DPEP1: variants seen among roughly 807,000 people sequenced by gnomAD.
DPEP1 encodes beta-lactamase.
In DPEP1, 50 loss-of-function variants were observed where a neutral mutation model predicts 42.3. That is an observed-to-expected ratio of 1.18 (90% confidence interval 0.94 to 1.50). The LOEUF is 1.50. Ranked by LOEUF, DPEP1 falls within the 40% of genes most tolerant of loss-of-function variation. The pLI, the probability that DPEP1 is intolerant of heterozygous loss-of-function variation, is 0.00. For missense variants in DPEP1, 663 were observed against 553.0 expected (o/e 1.20, Z -1.99); for synonymous variants, 297 against 234.0 (o/e 1.27, Z -2.46).
chr16:89,640,517 T>G, downstream of DPEP1: 1 of 974,782 alleles, frequency 1.0e-6, no homozygotes, highest in Non-Finnish European at 1.2e-6. Context: ...CAGGCGGCTC[T>G]GAAGCCTCCA....
chr16:89,623,467 C>A (rs909245610), intron 1 of DPEP1, among the ~76,000 whole-genome samples: 3 of 152,182 alleles, frequency 2.0e-5, no homozygotes, highest in Admixed American at 2.0e-4. Flanking sequence ...TTGCCCGCTG[C>A]CAAGGGAAGT....
intron 1 of DPEP1, among the ~76,000 whole-genome samples, chr16:89,624,919 G>C (rs2059489280): frequency 6.6e-6 from 1 of 152,156 alleles, no homozygotes; most frequent in South Asian, 2.1e-4. Context: ...ATCAAAGGCT[G>C]AGGTAAACTG....
At chr16:89,639,592 C>T (rs1406148592), downstream of DPEP1, among the ~76,000 whole-genome samples, 3 of 149,594 alleles carry the variant, frequency 2.0e-5, no homozygotes, top group East Asian at 4.0e-4. Flanking sequence ...GCACGAGCAA[C>T]CCCACCCCTG....
At position 89,630,618 on chromosome 16, in the gene DPEP1, GC is replaced by G. The variant is rs1370496674; in HGVS notation, c.104+106del. The stretch of plus-strand genomic sequence containing the variant: ...GGGCTGGGGGAGCGGGGCTGGGGGA[GC>G]CAGGGCTGGGGGTGCCGGGGCTGGG... On this transcript the variant is annotated intron_variant, in intron 2 of 10. Coordinates refer to ENST00000690203, the MANE Select transcript of DPEP1 (RefSeq NM_001389466.1). 2.1e-3 allele frequency: 142 copies of G among 67,140 alleles called. 2 individuals are homozygous for G. Among genetic ancestry groups the G allele is most frequent in the African/African-American group, 5.1e-3 (71 of 13,910 alleles). 4.2% of individuals were successfully genotyped at this position (67,140 alleles called of 1,614,324 possible).
intron 1 of DPEP1, among the ~76,000 whole-genome samples, chr16:89,621,046 G>A (rs1245834291): frequency 6.6e-6 from 1 of 151,980 alleles, no homozygotes; most frequent in Non-Finnish European, 1.5e-5. Flanking sequence ...GAAGGGTGAG[G>A]CTCTCAGAGG....
Position 89,636,597 on chromosome 16 carries a change from C to T in DPEP1, c.435C>T (p.Ser145=). The change falls in exon 5 of 11, where the codon TCC becomes TCT. Residue 145 remains serine, a synonymous_variant. Coordinates refer to ENST00000690203, the MANE Select transcript of DPEP1 (RefSeq NM_001389466.1). ...ASLIGVEGGH[S]IDSSLGVLRA... is the part of the protein sequence containing the mutation. ...TGATCGGCGTGGAGGGCGGCCACTC[C>T]ATTGACAGCAGTTTGGGCGTCCTGC... The T allele has an allele frequency of 6.2e-7, 1 of 1,612,642 alleles. No individual in the cohort carries two copies. Among genetic ancestry groups the T allele is most frequent in the Non-Finnish European group, 8.5e-7 (1 of 1,179,968 alleles).
At chr16:89,637,729 C>T in intron 9 of DPEP1, 22 bp downstream of exon 9, 1 of 1,612,952 alleles carries the variant, frequency 6.2e-7, no homozygotes, top group Non-Finnish European at 8.5e-7. Flanking sequence ...AGAGCTCTGT[C>T]CTGTGGATGA....
At chr16:89,639,173 ACG>A (rs1393980966), downstream of DPEP1, among the ~76,000 whole-genome samples, 1 of 36,138 alleles carries the variant, frequency 2.8e-5, no homozygotes, top group African/African-American at 1.4e-4. Context: ...CCATCCCTGC[ACG>A]CACACACACC....
intron 1 of DPEP1, among the ~76,000 whole-genome samples, chr16:89,627,272 C>CAAAA (rs751000812): frequency 2.0e-4 from 16 of 80,586 alleles, no homozygotes; most frequent in Non-Finnish European, 2.8e-4. Context: ...GACTCCGTCT[C>CAAAA]AAAAAAAAAA....
At chr16:89,614,316 T>C (rs2059360328) in intron 1 of DPEP1, among the ~76,000 whole-genome samples, 1 of 152,270 alleles carries the variant, frequency 6.6e-6, no homozygotes, top group South Asian at 2.1e-4. Flanking sequence ...CCCTTGGGAC[T>C]CAGCTCACGT....
At chr16:89,639,099 A>C (rs187814327), downstream of DPEP1, among the ~76,000 whole-genome samples, 3 of 10,800 alleles carry the variant, frequency 2.8e-4, no homozygotes, top group Non-Finnish European at 3.3e-4. Context: ...GCACACACAC[A>C]CCCCCACCCC....
intron 2 of DPEP1, among the ~76,000 whole-genome samples, chr16:89,631,496 C>T (rs1304606765): frequency 6.6e-6 from 1 of 152,184 alleles, no homozygotes; most frequent in Non-Finnish European, 1.5e-5. Context: ...TGGAAAATGC[C>T]TCTGGGCTTT....
chr16:89,622,883 G>T (rs1028481933), intron 1 of DPEP1, among the ~76,000 whole-genome samples: 2 of 152,142 alleles, frequency 1.3e-5, no homozygotes, highest in Admixed American at 6.5e-5. Flanking sequence ...GGAAGAGTGT[G>T]TCTGTGAGGA....
intron 1 of DPEP1, among the ~76,000 whole-genome samples, chr16:89,626,934 ATGGTGAAAC>A (rs1386042636): frequency 1.3e-5 from 2 of 151,224 alleles, no homozygotes; most frequent in Non-Finnish European, 2.9e-5. Context: ...CCTGGCCAAC[ATGGTGAAAC>A]TGTCTGTAGT....
At chr16:89,633,286 G>A (rs958799515) in intron 2 of DPEP1, among the ~76,000 whole-genome samples, 5 of 152,250 alleles carry the variant, frequency 3.3e-5, no homozygotes, top group East Asian at 3.8e-4. Flanking sequence ...ATGTGGACTC[G>A]CTGTGGCCAG....
At chr16:89,621,099 G>C (rs1403323566) in intron 1 of DPEP1, among the ~76,000 whole-genome samples, 4 of 151,964 alleles carry the variant, frequency 2.6e-5, no homozygotes, top group Non-Finnish European at 5.9e-5. Flanking sequence ...GGGTGAGAGG[G>C]TGGCTTCTGG....
At chr16:89,633,589 C>G (rs1452505209) in intron 2 of DPEP1, among the ~76,000 whole-genome samples, 1 of 147,004 alleles carries the variant, frequency 6.8e-6, no homozygotes, top group Non-Finnish European at 1.5e-5. Context: ...AGTTACTCAT[C>G]TGCCTCTCCC....
At chr16:89,627,229 C>G (rs577513420) in intron 1 of DPEP1, among the ~76,000 whole-genome samples, 1 of 147,352 alleles carries the variant, frequency 6.8e-6, no homozygotes. Flanking sequence ...GCTGAGGTTG[C>G]GCCACTGCAC....
Position 89,638,300 on chromosome 16 carries a change from G to A in DPEP1, c.*78G>A, listed in dbSNP as rs541843315. On this transcript the variant is annotated 3_prime_UTR_variant, in exon 11 of 11. Coordinates refer to ENST00000690203, the MANE Select transcript of DPEP1 (RefSeq NM_001389466.1). ...GCCCATCCCAGGACTCCAGATGCCA[G>A]GAGCCCTGCTGCCCACATGCAAGGA... 9 of 1,460,082 alleles carry A rather than the reference G, an allele frequency of 6.2e-6. No homozygotes were observed. In the African/African-American group the frequency reaches 1.3e-4, roughly 21 times the overall value. 90.4% of individuals were successfully genotyped at this position (1,460,082 alleles called of 1,614,324 possible).
Sources: gnomAD v4.1 joint callset for allele counts (sites outside exome capture counted in the v4.1 genomes callset) on GRCh38, gnomAD v4.1.1 for gene constraint, MANE v1.5 for transcripts, NCBI Gene and HGNC (gene_info 2026-07-23, HGNC 2026-07-21) for gene names.